ATP7A: variants seen among roughly 807,000 people sequenced by gnomAD.
ATP7A encodes copper-transporting ATPase 1.
Under a neutral mutation model 83.5 loss-of-function variants are expected in ATP7A, and 7 were observed. The ratio of observed to expected loss-of-function variants is 0.08; its 90% CI spans 0.05 to 0.16. ATP7A has a LOEUF of 0.16. ATP7A is among the 10% of genes least tolerant of loss of function. The pLI is 1.00. For synonymous variants in ATP7A, 354 were observed against 395.2 expected, an observed-to-expected ratio of 0.90 and a Z score of 1.24; for missense variants, 940 against 1,120.8, an observed-to-expected ratio of 0.84 and a Z score of 2.30.
At chrX:77,968,937 C>A (rs1557229143) in intron 1 of ATP7A, 1 of 1,208,887 alleles carries the variant, frequency 8.3e-7, no homozygotes, top group African/African-American at 1.8e-5. Flanking sequence ...TCTCTTCATC[C>A]CCCAGAAACT....
At chrX:78,011,324 T>G in intron 8 of ATP7A, 72 bp downstream of exon 8, 1 of 1,088,246 alleles carries the variant, frequency 9.2e-7, no homozygotes, top group South Asian at 1.9e-5. Context: ...GCATGTCAGT[T>G]TTTATAATAT....
At chrX:77,925,538 G>A (rs1396558613) in intron 1 of ATP7A, among the ~76,000 whole-genome samples, 1 of 111,073 alleles carries the variant, frequency 9.0e-6, no homozygotes, top group African/African-American at 3.3e-5. Context: ...GAGTCATTAG[G>A]TATGCCACTA....
At chrX:77,949,159 G>A (rs968629654) in intron 1 of ATP7A, among the ~76,000 whole-genome samples, 1 of 111,721 alleles carries the variant, frequency 9.0e-6, no homozygotes, top group African/African-American at 3.3e-5. Context: ...CAAAATGCTA[G>A]GATTACAGGC....
intron 10 of ATP7A, among the ~76,000 whole-genome samples, chrX:78,014,117 G>T (rs1557234856): frequency 9.1e-6 from 1 of 110,390 alleles, no homozygotes; most frequent in Admixed American, 9.7e-5. Context: ...AATATTTTGT[G>T]TACTTTTAGG....
rs577147695 is a variant in ATP7A, at chrX:78,021,572, A to G, written c.2916+493A>G. On this transcript the variant is annotated intron_variant, in intron 14 of 22. Coordinates refer to ENST00000341514, the MANE Select transcript of ATP7A (RefSeq NM_000052.7). The stretch of plus-strand genomic sequence containing the variant: ...AAATGCTTTACAAATATAAGATATT[A>G]TTAGTGTCTACTCATCTAGTTCTCT... 5.4e-5 allele frequency among the ~76,000 whole-genome samples: 6 copies of G among 112,076 alleles called. No homozygotes were observed. In the South Asian group the frequency reaches 2.2e-3, roughly 41 times the overall value.
At position 78,047,749 on chromosome X, in the gene ATP7A, T is replaced by G. The variant is rs1378679237; in HGVS notation, c.*1179T>G. The G allele has an allele frequency of 9.0e-6, 1 of 111,341 alleles. No homozygotes were observed. Among genetic ancestry groups the G allele is most frequent in the African/African-American group, 3.3e-5 (1 of 30,603 alleles). 9.2% of individuals were successfully genotyped at this position (111,341 alleles called of 1,213,427 possible). On this transcript the variant is annotated 3_prime_UTR_variant, in exon 23 of 23. Coordinates refer to ENST00000341514, the MANE Select transcript of ATP7A (RefSeq NM_000052.7). The stretch of plus-strand genomic sequence containing the variant: ...CACACCCGGCTAATTTTCATATTTT[T>G]CAGTAGAGACGGGGTTTCGCCATGT...
intron 1 of ATP7A, among the ~76,000 whole-genome samples, chrX:77,968,056 C>G (rs1159124383): frequency 1.8e-5 from 2 of 110,619 alleles, no homozygotes; most frequent in East Asian, 5.7e-4. Flanking sequence ...GGTCAAGCAA[C>G]TAGAACATGA....
intron 1 of ATP7A, among the ~76,000 whole-genome samples, chrX:77,918,171 A>G (rs1309162860): frequency 9.2e-6 from 1 of 108,549 alleles, no homozygotes; most frequent in African/African-American, 3.4e-5. Flanking sequence ...GGCTCAAGCA[A>G]TCCTCCTACT....
At chrX:77,942,453 G>A (rs1479295982) in intron 1 of ATP7A, among the ~76,000 whole-genome samples, 2 of 108,688 alleles carry the variant, frequency 1.8e-5, no homozygotes, top group East Asian at 2.9e-4. Flanking sequence ...TTTTTTGCGG[G>A]GGGGGTAGGG....
Position 77,970,257 on chromosome X carries a change from G to A in ATP7A, c.-21-1364G>A, listed in dbSNP as rs1220973072. On this transcript the variant is annotated intron_variant, in intron 1 of 22. Transcript: ENST00000341514. ...TGGTAGGTGGCTTCCCCCAGATTGC[G>A]TGATTCAGGAGAGAGGACAACAAGG... Among the ~76,000 whole-genome samples the A allele has an allele frequency of 4.5e-5, 5 of 111,662 alleles. No homozygotes were observed. The East Asian group carries it at 1.4e-3, about 31-fold the overall frequency.
At chrX:77,985,177 C>T (rs2077628282) in intron 2 of ATP7A, among the ~76,000 whole-genome samples, 1 of 110,264 alleles carries the variant, frequency 9.1e-6, no homozygotes, top group Non-Finnish European at 1.9e-5. Flanking sequence ...TGTCACCATG[C>T]CTGGGTAATT....
At chrX:78,036,512 G>C (rs2078014384) in intron 17 of ATP7A, among the ~76,000 whole-genome samples, 1 of 111,279 alleles carries the variant, frequency 9.0e-6, no homozygotes, top group African/African-American at 3.3e-5. Context: ...TCAGAGAGGT[G>C]GTTTGGGACT....
chrX:77,938,416 C>A (rs1186202284), intron 1 of ATP7A, among the ~76,000 whole-genome samples: 1 of 112,606 alleles, frequency 8.9e-6, no homozygotes, highest in Non-Finnish European at 1.9e-5. Flanking sequence ...TAATAGGGAA[C>A]AAGATATTAA....
intron 8 of ATP7A, 57 bp downstream of exon 8, chrX:78,011,309 T>C: frequency 9.0e-7 from 1 of 1,115,815 alleles, no homozygotes; most frequent in Non-Finnish European, 1.2e-6. Context: ...TACAAATTTT[T>C]TTTTGCATGT....
chrX:77,958,078 G>A (rs1339369061), intron 1 of ATP7A, among the ~76,000 whole-genome samples: 9 of 110,452 alleles, frequency 8.1e-5, no homozygotes, highest in Non-Finnish European at 1.1e-4. Context: ...GTTTGTTTTT[G>A]TTTGTTTGTT....
chrX:77,921,265 CTT>C (rs2077213171), intron 1 of ATP7A, among the ~76,000 whole-genome samples: 1 of 112,078 alleles, frequency 8.9e-6, no homozygotes, highest in East Asian at 2.8e-4. Flanking sequence ...AACTCTGTAA[CTT>C]TATTCATGGC....
rs879254156 is a variant in ATP7A, at chrX:78,011,495, A to C, written c.1993A>C (p.Met665Leu). 1 of 1,208,228 alleles carries C rather than the reference A, an allele frequency of 8.3e-7. No homozygotes were observed. Among genetic ancestry groups the C allele is most frequent in the African/African-American group, 1.8e-5 (1 of 56,757 alleles). Residue 665 changes from methionine to leucine, a missense_variant, in exon 9 of 23, where the codon ATG becomes CTG. Met to Leu is a conservative substitution (Grantham distance 15, BLOSUM62 2). Coordinates refer to ENST00000341514, the MANE Select transcript of ATP7A (RefSeq NM_000052.7). ...LVSLFFCIPV[M>L]GLMIYMMVMD... ...GAGTCTGTTTTTCTGTATTCCTGTA[A>C]TGGGGCTGATGATATATATGATGGT... is the stretch of plus-strand genomic sequence containing the variant.
chrX:77,920,247 G>A (rs185159639), intron 1 of ATP7A, among the ~76,000 whole-genome samples: 1,117 of 104,516 alleles, frequency 0.011, 13 homozygotes, highest in African/African-American at 0.033. Context: ...ACGGAATCTC[G>A]CTCTGTCGCC....
At chrX:78,040,444 G>A (rs2078040269) in intron 18 of ATP7A, 147 bp from the exon 19 acceptor site, 1 of 704,070 alleles carries the variant, frequency 1.4e-6, no homozygotes, top group Non-Finnish European at 2.1e-6. Context: ...TATAAAGTCT[G>A]TGTGGGCTTA....
Sources: gnomAD v4.1 joint callset for allele counts (sites outside exome capture counted in the v4.1 genomes callset) on GRCh38, gnomAD v4.1.1 for gene constraint, MANE v1.5 for transcripts, NCBI Gene and HGNC (gene_info 2026-07-23, HGNC 2026-07-21) for gene names.